HDAC8: variants seen among roughly 807,000 people sequenced by gnomAD.
HDAC8 encodes histone deacetylase-like 1.
HDAC8 carries 1 observed loss-of-function variant against 32.2 expected under a neutral mutation model. The observed-to-expected ratio is 0.03, with a 90% CI of 0.01 to 0.15. HDAC8 has a LOEUF of 0.15. Among genes scored for constraint, HDAC8 ranks in the 10% least tolerant of loss-of-function variants. The pLI is 1.00. For synonymous variants in HDAC8, 108 were observed against 113.9 expected, an observed-to-expected ratio of 0.95 and a Z score of 0.33; for missense variants, 117 against 300.0, an observed-to-expected ratio of 0.39 and a Z score of 4.51.
At chrX:72,489,288 G>T in intron 6 of HDAC8, 1 of 457,442 alleles carries the variant, frequency 2.2e-6, no homozygotes, top group Non-Finnish European at 4.0e-6. Context: ...ATGCTTTTTA[G>T]GTTGACATAA....
chrX:72,554,843 T>C (rs2051228081), intron 4 of HDAC8, among the ~76,000 whole-genome samples: 1 of 112,090 alleles, frequency 8.9e-6, no homozygotes, highest in African/African-American at 3.2e-5. Context: ...TCTATGGCCC[T>C]GCCCGCTGCC....
intron 9 of HDAC8, among the ~76,000 whole-genome samples, chrX:72,359,207 C>A (rs61370360): frequency 9.2e-6 from 1 of 108,832 alleles, no homozygotes; most frequent in Non-Finnish European, 1.9e-5. Flanking sequence ...ATAGGTATTT[C>A]GAGTTAGTTA....
At chrX:72,552,034 G>GGT (rs1556072925) in intron 4 of HDAC8, among the ~76,000 whole-genome samples, 4 of 111,980 alleles carry the variant, frequency 3.6e-5, no homozygotes, top group African/African-American at 1.3e-4. Flanking sequence ...TGACCACACT[G>GGT]CATTATAACT....
At chrX:72,402,131 T>C (rs1229194171) in intron 9 of HDAC8, among the ~76,000 whole-genome samples, 1 of 111,735 alleles carries the variant, frequency 8.9e-6, no homozygotes, top group Non-Finnish European at 1.9e-5. Flanking sequence ...GCGGGTAGTG[T>C]AATTTGTTCA....
At chrX:72,396,392 A>G (rs141775878) in intron 9 of HDAC8, among the ~76,000 whole-genome samples, 11 of 112,493 alleles carry the variant, frequency 9.8e-5, no homozygotes, top group Admixed American at 3.7e-4. Context: ...GTAATGGGGA[A>G]ACCAGGGAGA....
intron 9 of HDAC8, among the ~76,000 whole-genome samples, chrX:72,399,486 G>A (rs2045849841): frequency 8.9e-6 from 1 of 112,221 alleles, no homozygotes; most frequent in African/African-American, 3.2e-5. Context: ...GAACCAGCTT[G>A]TCAAATTTCA....
At chrX:72,509,182 C>CCTCCACCT (rs2049489663) in intron 4 of HDAC8, among the ~76,000 whole-genome samples, 1 of 109,642 alleles carries the variant, frequency 9.1e-6, no homozygotes, top group African/African-American at 3.3e-5. Flanking sequence ...CTCACCGCAA[C>CCTCCACCT]CTCCACCTCT....
At chrX:72,553,753 C>T (rs782459775) in intron 4 of HDAC8, among the ~76,000 whole-genome samples, 1 of 111,681 alleles carries the variant, frequency 9.0e-6, no homozygotes, top group Admixed American at 9.5e-5. Context: ...GTTTTGCATT[C>T]GGTAAATACT....
chrX:72,473,152 AAAG>A (rs2048234927), intron 7 of HDAC8, among the ~76,000 whole-genome samples: 2 of 112,522 alleles, frequency 1.8e-5, no homozygotes, highest in Admixed American at 9.4e-5. Context: ...GCTATGATCC[AAAG>A]TGCTTTGTAA....
intron 9 of HDAC8, among the ~76,000 whole-genome samples, chrX:72,381,590 T>C (rs1555959926): frequency 8.9e-6 from 1 of 112,375 alleles, no homozygotes; most frequent in Non-Finnish European, 1.9e-5. Flanking sequence ...CAAAACAGTT[T>C]CACTCCATTT....
chrX:72,441,300 C>T (rs2047136470), intron 9 of HDAC8, among the ~76,000 whole-genome samples: 2 of 112,233 alleles, frequency 1.8e-5, no homozygotes, highest in African/African-American at 6.5e-5. Flanking sequence ...TAGGGGCAGA[C>T]TGACACCTCA....
rs368682006 is a variant in HDAC8 at position 72,464,713 on chromosome X, G to A, written c.756C>T (p.Tyr252=). The change falls in exon 8 of 11, where the codon TAC becomes TAT. Residue 252 remains tyrosine, a synonymous_variant. Coordinates refer to ENST00000373573, the MANE Select transcript of HDAC8 (RefSeq NM_018486.3). The stretch of plus-strand genomic sequence containing the variant: ...CCACTGCTTTGGGATTAAAGGCTTG[G>A]TATACTTCCTTTAGTACACTATATA... The part of the protein sequence containing the change: ...QICESVLKEV[Y]QAFNPKAVVL... The A allele has an allele frequency of 2.8e-5, 34 of 1,197,745 alleles. No homozygotes were observed. Among genetic ancestry groups the A allele is most frequent in the Non-Finnish European group, 3.4e-5 (30 of 884,228 alleles).
chrX:72,487,762 G>A (rs782560210), intron 7 of HDAC8, among the ~76,000 whole-genome samples: 1 of 108,226 alleles, frequency 9.2e-6, no homozygotes, highest in Admixed American at 9.9e-5. Context: ...AACAAAATCA[G>A]GCACTGTTAA....
At chrX:72,443,745 G>A (rs1449092898) in intron 9 of HDAC8, among the ~76,000 whole-genome samples, 9 of 108,088 alleles carry the variant, frequency 8.3e-5, no homozygotes, top group Non-Finnish European at 1.5e-4. Context: ...ATGAATCCAG[G>A]AGCTGGTTTT....
At chrX:72,477,146 C>T (rs1402253414) in intron 7 of HDAC8, among the ~76,000 whole-genome samples, 1 of 111,739 alleles carries the variant, frequency 8.9e-6, no homozygotes, top group Non-Finnish European at 1.9e-5. Context: ...GCTATTTGGC[C>T]TTTGCAGACC....
At chrX:72,425,045 T>C (rs1569287601) in intron 9 of HDAC8, among the ~76,000 whole-genome samples, 5 of 111,994 alleles carry the variant, frequency 4.5e-5, no homozygotes, top group Admixed American at 9.5e-5. Flanking sequence ...GTACCCACTT[T>C]TGATTCTTTT....
intron 4 of HDAC8, among the ~76,000 whole-genome samples, chrX:72,532,257 T>C (rs2050370761): frequency 1.1e-5 from 1 of 93,289 alleles, no homozygotes; most frequent in South Asian, 5.5e-4. Flanking sequence ...GCATTTTTTT[T>C]TTTTTTTTTT....
At chrX:72,461,698 G>T (rs2047871570) in intron 9 of HDAC8, among the ~76,000 whole-genome samples, 1 of 111,319 alleles carries the variant, frequency 9.0e-6, no homozygotes, top group Non-Finnish European at 1.9e-5. Flanking sequence ...TGAGGCTAGG[G>T]GATAAAAATA....
chrX:72,447,127 A>T (rs2047429388), intron 9 of HDAC8, among the ~76,000 whole-genome samples: 1 of 112,251 alleles, frequency 8.9e-6, no homozygotes, highest in African/African-American at 3.2e-5. Context: ...CCTGGTAGAG[A>T]CACAGAAAAA....
Sources: allele counts gnomAD v4.1 joint callset (sites outside exome capture counted in the v4.1 genomes callset), GRCh38; gene constraint gnomAD v4.1.1; transcripts MANE v1.5; gene names NCBI Gene and HGNC (gene_info 2026-07-23, HGNC 2026-07-21).